CAMK1D: variants seen among roughly 807,000 people sequenced by gnomAD.
CAMK1D encodes calcium/calmodulin-dependent protein kinase type 1D.
Under a neutral mutation model 47.7 loss-of-function variants are expected in CAMK1D, and 9 were observed. The observed-to-expected ratio is 0.19, with a 90% CI of 0.11 to 0.33. The LOEUF (loss-of-function observed/expected upper bound fraction) is 0.33. Ranked by LOEUF, CAMK1D falls within the 10% of genes least tolerant of loss-of-function variation. The pLI, the probability that CAMK1D is intolerant of heterozygous loss-of-function variation, is 1.00. For synonymous variants in CAMK1D, 184 were observed against 184.9 expected (o/e 0.99, Z 0.04); for missense variants, 291 against 488.7 (o/e 0.60, Z 3.81).
intron 6 of CAMK1D, among the ~76,000 whole-genome samples, chr10:12,794,798 A>G (rs1211899643): frequency 6.6e-6 from 1 of 152,182 alleles, no homozygotes; most frequent in Admixed American, 6.5e-5. Flanking sequence ...TAAGATGTTC[A>G]GACTCCTATG....
intron 3 of CAMK1D, among the ~76,000 whole-genome samples, chr10:12,671,835 C>CTT (rs1840628258): frequency 1.3e-5 from 2 of 148,826 alleles, no homozygotes; most frequent in South Asian, 4.3e-4. Flanking sequence ...AGTTTTTTAA[C>CTT]TTTGAGTTGG....
intron 3 of CAMK1D, among the ~76,000 whole-genome samples, chr10:12,670,012 C>T (rs1474630064): frequency 1.3e-5 from 2 of 151,928 alleles, no homozygotes; most frequent in African/African-American, 4.8e-5. Context: ...TCTTTGTGTG[C>T]ATGCATGTTT....
At chr10:12,671,978 T>G (rs1840634484) in intron 3 of CAMK1D, among the ~76,000 whole-genome samples, 1 of 149,552 alleles carries the variant, frequency 6.7e-6, no homozygotes, top group African/African-American at 2.5e-5. Flanking sequence ...TGCAGTGGCG[T>G]GATCTTGGCT....
chr10:12,791,685 C>T (rs957154181), intron 6 of CAMK1D, among the ~76,000 whole-genome samples: 3 of 152,156 alleles, frequency 2.0e-5, no homozygotes, highest in African/African-American at 7.2e-5. Flanking sequence ...GAGTATATTC[C>T]GTTGTGTGGA....
intron 1 of CAMK1D, among the ~76,000 whole-genome samples, chr10:12,431,008 C>T (rs977227098): frequency 3.3e-5 from 5 of 152,168 alleles, no homozygotes; most frequent in Non-Finnish European, 7.3e-5. Context: ...CTTTGGCCTC[C>T]CAAAGTGCTG....
At chr10:12,463,875 A>T (rs1833512261) in intron 1 of CAMK1D, among the ~76,000 whole-genome samples, 1 of 151,854 alleles carries the variant, frequency 6.6e-6, no homozygotes, top group African/African-American at 2.4e-5. Flanking sequence ...ACTAGATCTG[A>T]TGGTTGTATA....
At chr10:12,791,753 C>A (rs1413405702) in intron 6 of CAMK1D, among the ~76,000 whole-genome samples, 2 of 152,194 alleles carry the variant, frequency 1.3e-5, no homozygotes, top group African/African-American at 4.8e-5. Context: ...TTGTTTCCAC[C>A]TTTTGAGTAA....
At chr10:12,402,220 G>A (rs1400345831) in intron 1 of CAMK1D, among the ~76,000 whole-genome samples, 4 of 151,500 alleles carry the variant, frequency 2.6e-5, no homozygotes, top group African/African-American at 9.7e-5. Flanking sequence ...GGGATTACAG[G>A]CACGAGCCAC....
chr10:12,685,571 G>A (rs1182497932), intron 3 of CAMK1D, among the ~76,000 whole-genome samples: 1 of 152,158 alleles, frequency 6.6e-6, no homozygotes, highest in African/African-American at 2.4e-5. Flanking sequence ...ATTGACCCCA[G>A]CCCTTTATAA....
At chr10:12,531,039 C>G (rs1221763109) in intron 1 of CAMK1D, among the ~76,000 whole-genome samples, 1 of 141,154 alleles carries the variant, frequency 7.1e-6, no homozygotes, top group East Asian at 2.1e-4. Context: ...GCCTGGAAGA[C>G]AGGGTGAGAC....
chr10:12,801,222 T>TATCCATCCATCCATCC (rs55994840), intron 6 of CAMK1D, among the ~76,000 whole-genome samples: 8 of 149,246 alleles, frequency 5.4e-5, no homozygotes, highest in African/African-American at 2.0e-4. Flanking sequence ...ACATCTCTAG[T>TATCCATCCATCCATCC]ATCCATCCAT....
chr10:12,515,022 T>A lies in CAMK1D; in HGVS notation c.93-38203T>A, dbSNP rs1038383112. 4.0e-5 allele frequency among the ~76,000 whole-genome samples: 6 copies of A among 151,568 alleles called. No individual in the cohort carries two copies. In the East Asian group the frequency reaches 5.8e-4, roughly 15 times the overall value. On this transcript the variant is annotated intron_variant, in intron 1 of 10. Transcript: ENST00000619168. Reference sequence around the variant, plus strand: ...TGCACCACCACACCTGGCTAATTTTTTTTTTTTATTTTTTATTTTTAGTAG... The same window carrying A: ...TGCACCACCACACCTGGCTAATTTTATTTTTTTATTTTTTATTTTTAGTAG...
At chr10:12,468,181 G>A (rs1020291823) in intron 1 of CAMK1D, among the ~76,000 whole-genome samples, 3 of 152,126 alleles carry the variant, frequency 2.0e-5, no homozygotes, top group African/African-American at 4.8e-5. Context: ...TCAGCTTCCC[G>A]AGTAGCTGGG....
At chr10:12,368,723 G>A (rs1260704024) in intron 1 of CAMK1D, among the ~76,000 whole-genome samples, 1 of 150,006 alleles carries the variant, frequency 6.7e-6, no homozygotes, top group Non-Finnish European at 1.5e-5. Flanking sequence ...CAGCCTGGGT[G>A]GCAGAGTAAG....
At chr10:12,706,528 A>G (rs994835535) in intron 3 of CAMK1D, among the ~76,000 whole-genome samples, 5 of 152,158 alleles carry the variant, frequency 3.3e-5, no homozygotes, top group African/African-American at 1.2e-4. Flanking sequence ...CCTGGGCAAT[A>G]TAGTGAGACC....
chr10:12,751,619 A>G (rs970055824), intron 3 of CAMK1D, among the ~76,000 whole-genome samples: 2 of 152,230 alleles, frequency 1.3e-5, no homozygotes, highest in African/African-American at 4.8e-5. Flanking sequence ...TGTGCTGTGC[A>G]GAAAGACAGG....
intron 1 of CAMK1D, among the ~76,000 whole-genome samples, chr10:12,414,960 T>G (rs2131952280): frequency 6.6e-6 from 1 of 152,272 alleles, no homozygotes; most frequent in Non-Finnish European, 1.5e-5. Context: ...CGTTTGGAAT[T>G]TCTTCGGGAA....
At chr10:12,655,538 T>A (rs1339274510) in intron 2 of CAMK1D, among the ~76,000 whole-genome samples, 1 of 152,186 alleles carries the variant, frequency 6.6e-6, no homozygotes, top group Admixed American at 6.5e-5. Flanking sequence ...ATGTCTGGAG[T>A]CTGTAAGACT....
intron 5 of CAMK1D, among the ~76,000 whole-genome samples, chr10:12,773,134 C>G (rs1295579077): frequency 2.0e-5 from 3 of 152,236 alleles, no homozygotes; most frequent in African/African-American, 7.2e-5. Context: ...GTGTCTCTCA[C>G]TGCACTGTGA....
Sources: allele counts gnomAD v4.1 joint callset (sites outside exome capture counted in the v4.1 genomes callset), GRCh38; gene constraint gnomAD v4.1.1; transcripts MANE v1.5; gene names NCBI Gene and HGNC (gene_info 2026-07-23, HGNC 2026-07-21).